WDR7: variants seen among roughly 807,000 people sequenced by gnomAD.
WDR7 encodes the protein WD repeat-containing protein 7.
WDR7 carries 46 observed loss-of-function variants against 169.4 expected under a neutral mutation model. The ratio of observed to expected loss-of-function variants is 0.27; its 90% CI spans 0.21 to 0.35. WDR7 has a LOEUF of 0.35. WDR7 is among the 10% of genes least tolerant of loss of function. The pLI is 1.00. For synonymous variants in WDR7, 612 were observed against 666.8 expected, an observed-to-expected ratio of 0.92 and a Z score of 1.27; for missense variants, 1,534 against 1,859.3, an observed-to-expected ratio of 0.83 and a Z score of 3.22.
chr18:56,793,069 G>A (rs1361088703), intron 19 of WDR7, among the ~76,000 whole-genome samples: 1 of 152,100 alleles, frequency 6.6e-6, no homozygotes. Context: ...ATTCAATTCA[G>A]TATGTGACTA....
chr18:56,962,052 C>T (rs534429832), intron 25 of WDR7, among the ~76,000 whole-genome samples: 1 of 152,124 alleles, frequency 6.6e-6, no homozygotes, highest in South Asian at 2.1e-4. Flanking sequence ...TCATCTTTTC[C>T]ATTTCTGCTC....
intron 19 of WDR7, among the ~76,000 whole-genome samples, chr18:56,797,728 A>G (rs1487721846): frequency 6.6e-6 from 1 of 151,926 alleles, no homozygotes; most frequent in Non-Finnish European, 1.5e-5. Context: ...TTGTGGATTT[A>G]TCAGAATACA....
chr18:56,798,171 T>G (rs12326894), intron 19 of WDR7, among the ~76,000 whole-genome samples: 11,386 of 152,238 alleles, frequency 0.075, 1,051 homozygotes, highest in African/African-American at 0.22. Context: ...TTTAATTATA[T>G]TGACGATAAT....
At chr18:56,707,175 G>GT (rs368511575) in intron 12 of WDR7, among the ~76,000 whole-genome samples, 5 of 152,122 alleles carry the variant, frequency 3.3e-5, no homozygotes, top group African/African-American at 1.2e-4. Context: ...TAGAGATGAG[G>GT]TTTTACCATG....
At chr18:56,683,328 A>G (rs2025385475) in intron 5 of WDR7, among the ~76,000 whole-genome samples, 1 of 152,184 alleles carries the variant, frequency 6.6e-6, no homozygotes, top group Non-Finnish European at 1.5e-5. Flanking sequence ...GATGCTCAAT[A>G]AATATTATTA....
chr18:56,668,900 T>G lies in WDR7; in HGVS notation c.-19-3597T>G, dbSNP rs1598947375. On this transcript the variant is annotated intron_variant, in intron 1 of 27. Transcript: ENST00000254442. ...TGTGAAGAAGTAGCAAAATCTGTGT[T>G]TTTTTTTTTTTTAAATAATATTTAC... 8.5e-4 allele frequency among the ~76,000 whole-genome samples: 3 copies of G among 3,520 alleles called. No individual in the cohort carries two copies. In the Non-Finnish European group the frequency reaches 0.068, roughly 80 times the overall value. 2.3% of individuals were successfully genotyped at this position (3,520 alleles called of 152,430 possible).
At position 56,682,763 on chromosome 18, in the gene WDR7, A is replaced by T; in HGVS notation, c.430A>T (p.Thr144Ser). 1 of 1,613,880 alleles carries T rather than the reference A, an allele frequency of 6.2e-7. No homozygotes were observed. Among genetic ancestry groups the T allele is most frequent in the East Asian group, 2.2e-5 (1 of 44,862 alleles). ...HYPEILVVDATSLEVLYSLVS... is the reference protein window; with the variant it reads ...HYPEILVVDASSLEVLYSLVS... ...CCCTGAAATCCTTGTTGTGGATGCTACCAGCCTTGAAGTATTATACTCCTT... is the reference window on the plus strand; with the variant it reads ...CCCTGAAATCCTTGTTGTGGATGCTTCCAGCCTTGAAGTATTATACTCCTT... The change falls in exon 5 of 28, where the codon ACC (threonine) becomes TCC (serine). Residue 144 changes from threonine (T) to serine (S), a missense_variant. By Grantham distance (58) the Thr-to-Ser change is moderately conservative (BLOSUM62 1). Transcript: ENST00000254442.
At position 56,962,540 on chromosome 18, in the gene WDR7, C is replaced by G; in HGVS notation, c.4164+11C>G. 1 of 1,610,236 alleles carries G rather than the reference C, an allele frequency of 6.2e-7. No homozygotes were observed. Among genetic ancestry groups the G allele is most frequent in the Non-Finnish European group, 8.5e-7 (1 of 1,177,000 alleles). On this transcript the variant is annotated intron_variant, in intron 26 of 27. Transcript: ENST00000254442. ...ACTGGAAAATGTCAGGTAAATAAAT[C>G]ATTGTGACTTCCTCTCCATAAAGCG...
intron 20 of WDR7, among the ~76,000 whole-genome samples, chr18:56,862,281 C>T (rs146703197): frequency 1.1e-3 from 167 of 151,600 alleles, no homozygotes; most frequent in Non-Finnish European, 2.2e-3. Context: ...TCAAGTAATG[C>T]ATTTTGAAGA....
At chr18:56,809,876 A>C (rs145067134) in intron 19 of WDR7, among the ~76,000 whole-genome samples, 2,111 of 152,168 alleles carry the variant, frequency 0.014, 30 homozygotes, top group East Asian at 0.035. Flanking sequence ...ACACATGTAA[A>C]TAGTCATGGT....
chr18:56,740,706 C>T lies in WDR7; in HGVS notation c.1989+9109C>T, dbSNP rs183339916. ...AGAGCCCAGAATATTTAACGGGGTT[C>T]TTTTGCTTGTTGAGTCCTGAATCCT... On this transcript the variant is annotated intron_variant, in intron 14 of 27. Transcript: ENST00000254442. 1.8e-3 allele frequency among the ~76,000 whole-genome samples: 267 copies of T among 152,266 alleles called. 1 individual carries two copies. Among genetic ancestry groups the T allele is most frequent in the Middle Eastern group, 6.8e-3 (2 of 294 alleles).
At chr18:56,874,161 TAAAC>T (rs1298765587) in intron 20 of WDR7, among the ~76,000 whole-genome samples, 2 of 152,342 alleles carry the variant, frequency 1.3e-5, no homozygotes, top group East Asian at 3.9e-4. Context: ...TTCTTATACA[TAAAC>T]AAAGTTGGTT....
intron 12 of WDR7, chr18:56,699,868 G>A: frequency 1.0e-6 from 1 of 985,424 alleles, no homozygotes; most frequent in Non-Finnish European, 1.2e-6. Context: ...GATGAGCTCT[G>A]AAGACAGACT....
rs2048381341 is a variant in WDR7 at position 57,027,336 on chromosome 18, G to GGCCA, written c.*130_*131insCCAG. ...CCCAGTGCCATCCAGTGGCACGGCCGGGTCTTGTCACTTGTGCATGCTTCT... is the reference window on the plus strand; with the variant it reads ...CCCAGTGCCATCCAGTGGCACGGCCGGCCAGGTCTTGTCACTTGTGCATGCTTCT... On this transcript the variant is annotated 3_prime_UTR_variant, in exon 28 of 28. Transcript: ENST00000254442. 4 of 1,205,794 alleles carry GGCCA rather than the reference G, an allele frequency of 3.3e-6. No individual in the cohort carries two copies. Among genetic ancestry groups the GGCCA allele is most frequent in the South Asian group, 1.5e-5 (1 of 66,042 alleles). The allele number at this position is 1,205,794 out of a possible 1,614,324, so 74.7% of individuals were successfully genotyped here.
intron 21 of WDR7, among the ~76,000 whole-genome samples, chr18:56,917,488 T>G (rs1437338475): frequency 6.6e-6 from 1 of 152,170 alleles, no homozygotes; most frequent in Non-Finnish European, 1.5e-5. Context: ...TAGGGATAAA[T>G]AAATGTTCCA....
chr18:56,967,812 A>G (rs1460870580), intron 26 of WDR7, among the ~76,000 whole-genome samples: 1 of 152,214 alleles, frequency 6.6e-6, no homozygotes, highest in Non-Finnish European at 1.5e-5. Flanking sequence ...TACATTTAAC[A>G]AAAGCACCTC....
intron 1 of WDR7, among the ~76,000 whole-genome samples, chr18:56,665,425 A>G (rs886877446): frequency 7.2e-5 from 11 of 152,142 alleles, no homozygotes; most frequent in Non-Finnish European, 1.6e-4. Context: ...CCAAGAATTT[A>G]TCTTGAGAAT....
chr18:56,836,534 A>G (rs1317059623), intron 20 of WDR7, among the ~76,000 whole-genome samples: 1 of 152,218 alleles, frequency 6.6e-6, no homozygotes, highest in Non-Finnish European at 1.5e-5. Context: ...AGCAATTGCT[A>G]TTGTATATCA....
intron 5 of WDR7, among the ~76,000 whole-genome samples, chr18:56,684,258 C>G (rs2025403393): frequency 6.6e-6 from 1 of 152,072 alleles, no homozygotes. Flanking sequence ...GCTGGCAGAG[C>G]TGGCAGGAGA....
Sources: allele counts gnomAD v4.1 joint callset (sites outside exome capture counted in the v4.1 genomes callset), GRCh38; gene constraint gnomAD v4.1.1; transcripts MANE v1.5; gene names NCBI Gene and HGNC (gene_info 2026-07-23, HGNC 2026-07-21).